CRK: variants seen among roughly 807,000 people sequenced by gnomAD.
The protein encoded by CRK is CRK proto-oncogene, adaptor protein.
Under a neutral mutation model 29.8 loss-of-function variants are expected in CRK, and 4 were observed. The observed-to-expected ratio is 0.13, with a 90% CI of 0.07 to 0.31. The LOEUF is 0.31. CRK is among the 10% of genes least tolerant of loss of function. The pLI, the probability that CRK is intolerant of heterozygous loss-of-function variation, is 1.00. For synonymous variants in CRK, 153 were observed against 164.9 expected (o/e 0.93, Z 0.55); for missense variants, 274 against 396.5 (o/e 0.69, Z 2.62).
Position 1,423,348 on chromosome 17 carries a change from A to G in CRK, c.*165T>C. On this transcript the variant is annotated 3_prime_UTR_variant, in exon 3 of 3. Transcript: ENST00000300574. ...TCCAGTTCGTACCCTGAATATGGTA[A>G]TTAAGACTAGGAATGGAGCAGTTCA... The G allele has an allele frequency of 1.1e-6, 1 of 871,852 alleles. No individual in the cohort carries two copies. The highest frequency in any genetic ancestry group is 1.7e-6 in the Non-Finnish European group (1 of 589,522). 54.0% of individuals were successfully genotyped at this position (871,852 alleles called of 1,614,324 possible). A position where few individuals can be genotyped will look rare whatever the true frequency, so the allele number is the denominator to read the frequency against.
At chr17:1,448,435 T>C (rs940607511) in intron 1 of CRK, among the ~76,000 whole-genome samples, 4 of 151,610 alleles carry the variant, frequency 2.6e-5, no homozygotes, top group Non-Finnish European at 5.9e-5. Context: ...ACCAGCCTGA[T>C]CAACATGGTG....
At chr17:1,441,082 C>T (rs766721629) in intron 1 of CRK, among the ~76,000 whole-genome samples, 54 of 152,200 alleles carry the variant, frequency 3.5e-4, no homozygotes, top group Non-Finnish European at 6.0e-4. Context: ...CCTACAGGCA[C>T]GCATCACCAC....
chr17:1,427,126 G>GAAA (rs764041078), intron 2 of CRK, among the ~76,000 whole-genome samples: 3 of 105,990 alleles, frequency 2.8e-5, no homozygotes, highest in African/African-American at 6.8e-5. Flanking sequence ...TGTGTCTCTT[G>GAAA]AAAAAAAAAA....
intron 1 of CRK, among the ~76,000 whole-genome samples, chr17:1,453,300 CAT>C (rs1285945201): frequency 6.6e-6 from 1 of 152,160 alleles, no homozygotes; most frequent in Non-Finnish European, 1.5e-5. Context: ...AGTGTTGAGA[CAT>C]AAAATCGTTA....
intron 1 of CRK, among the ~76,000 whole-genome samples, chr17:1,451,456 T>C (rs927703292): frequency 2.6e-5 from 4 of 151,150 alleles, no homozygotes; most frequent in Non-Finnish European, 4.4e-5. Context: ...GGTCTCGAAC[T>C]CTTGACCTCA....
At chr17:1,434,139 T>C (rs1243899550) in intron 2 of CRK, among the ~76,000 whole-genome samples, 2 of 152,142 alleles carry the variant, frequency 1.3e-5, no homozygotes, top group Non-Finnish European at 2.9e-5. Context: ...CAGAAAAGGT[T>C]TGCAGACCCC....
At chr17:1,451,717 G>A (rs190046637) in intron 1 of CRK, among the ~76,000 whole-genome samples, 3 of 151,638 alleles carry the variant, frequency 2.0e-5, no homozygotes, top group African/African-American at 7.3e-5. Context: ...ACATAGTGGG[G>A]GGAAAAAAAA....
At chr17:1,455,595 C>A (rs1449441019) in intron 1 of CRK, among the ~76,000 whole-genome samples, 3 of 152,224 alleles carry the variant, frequency 2.0e-5, no homozygotes, top group Non-Finnish European at 4.4e-5. Context: ...CCTACCCTTG[C>A]GCCTGGCCCG....
intron 2 of CRK, among the ~76,000 whole-genome samples, chr17:1,434,381 G>C (rs1216503378): frequency 6.6e-6 from 1 of 152,178 alleles, no homozygotes; most frequent in Non-Finnish European, 1.5e-5. Flanking sequence ...TCTGGTGTGA[G>C]TCACAAAGAT....
chr17:1,445,099 G>C lies in CRK; in HGVS notation c.242-7944C>G, dbSNP rs371059789. Among the ~76,000 whole-genome samples, 28 of 151,130 alleles carry C rather than the reference G, an allele frequency of 1.9e-4. 1 individual carries two copies. The highest frequency in any genetic ancestry group is 6.6e-4 in the African/African-American group (27 of 41,128). ...GGAGGCAGAGCTTGCAGTGAGCCAAGATCGCGCCACTGTACTCCAGCCTGG... is the reference window on the plus strand; with the variant it reads ...GGAGGCAGAGCTTGCAGTGAGCCAACATCGCGCCACTGTACTCCAGCCTGG... On this transcript the variant is annotated intron_variant, in intron 1 of 2. Transcript: ENST00000300574.
intron 2 of CRK, among the ~76,000 whole-genome samples, chr17:1,430,839 G>A (rs990191897): frequency 4.0e-5 from 6 of 151,538 alleles, no homozygotes; most frequent in Non-Finnish European, 8.8e-5. Flanking sequence ...AGGCCGAGGT[G>A]GGTGGATCAC....
intron 2 of CRK, among the ~76,000 whole-genome samples, chr17:1,430,611 C>T (rs112973264): frequency 0.013 from 1,973 of 150,264 alleles, 56 homozygotes; most frequent in African/African-American, 0.045. Flanking sequence ...GTGATCCGCC[C>T]GCCTTGGCCT....
At chr17:1,427,367 G>A (rs1421004291) in intron 2 of CRK, among the ~76,000 whole-genome samples, 7 of 151,708 alleles carry the variant, frequency 4.6e-5, no homozygotes, top group Non-Finnish European at 1.0e-4. Flanking sequence ...GCTGAGGGCG[G>A]CAGATCATGA....
chr17:1,449,048 C>T (rs1474493224), intron 1 of CRK, among the ~76,000 whole-genome samples: 2 of 152,144 alleles, frequency 1.3e-5, no homozygotes, highest in Non-Finnish European at 1.5e-5. Flanking sequence ...CCAGAAGTGG[C>T]TTGGCCCAGC....
At chr17:1,455,302 G>A (rs374565480) in intron 1 of CRK, among the ~76,000 whole-genome samples, 17 of 152,232 alleles carry the variant, frequency 1.1e-4, no homozygotes, top group African/African-American at 3.6e-4. Context: ...CTCCACGGGG[G>A]AAGAGAACGG....
chr17:1,423,035 T>C lies in CRK; in HGVS notation c.*478A>G. On this transcript the variant is annotated 3_prime_UTR_variant, in exon 3 of 3. Coordinates refer to ENST00000300574, the MANE Select transcript of CRK (RefSeq NM_016823.4). ...TGAGTCACACGCTGGTCATGCTCCA[T>C]ACAATGAAAGCAATCCTGCTTGATA... The C allele has an allele frequency of 2.5e-6, 1 of 400,256 alleles. No individual in the cohort carries two copies. Among genetic ancestry groups the C allele is most frequent in the African/African-American group, 2.1e-5 (1 of 48,746 alleles). The allele number at this position is 400,256 out of a possible 1,614,324, so 24.8% of individuals were successfully genotyped here.
At position 1,436,912 on chromosome 17, in the gene CRK, C is replaced by T. The variant is rs1332350809; in HGVS notation, c.485G>A (p.Arg162Gln). The change falls in exon 2 of 3, where the codon CGG becomes CAG. Residue 162 changes from arginine (R) to glutamine (Q), a missense_variant. By Grantham distance (43) the Arg-to-Gln change is conservative. Coordinates refer to ENST00000300574, the MANE Select transcript of CRK (RefSeq NM_016823.4). ...PFKKGDILRI[R>Q]DKPEEQWWNA... ...CCACCACTGCTCTTCAGGCTTGTCC[C>T]GGATTCTCAAGATGTCTCCTTTCTT... 5.6e-6 allele frequency: 9 copies of T among 1,614,004 alleles called. No homozygotes were observed. The highest frequency in any genetic ancestry group is 1.6e-4 in the Middle Eastern group (1 of 6,084).
intron 1 of CRK, among the ~76,000 whole-genome samples, chr17:1,451,180 G>A (rs1212781563): frequency 2.6e-5 from 2 of 75,562 alleles, no homozygotes; most frequent in East Asian, 7.3e-4. Context: ...GTGACAGAGC[G>A]AGAAACTGTC....
At chr17:1,426,291 C>G (rs985218852) in intron 2 of CRK, 1 of 152,400 alleles carries the variant, frequency 6.6e-6, no homozygotes. Flanking sequence ...TGTGTCGTGA[C>G]GATGCCAGCT....
Sources: allele counts gnomAD v4.1 joint callset (sites outside exome capture counted in the v4.1 genomes callset), GRCh38; gene constraint gnomAD v4.1.1; transcripts MANE v1.5; gene names NCBI Gene and HGNC (gene_info 2026-07-23, HGNC 2026-07-21).